JAK1: variants seen among roughly 807,000 people sequenced by gnomAD.
JAK1 encodes the protein tyrosine-protein kinase JAK1.
JAK1 carries 16 observed loss-of-function variants against 136.6 expected under a neutral mutation model. The observed-to-expected ratio is 0.12, with a 90% CI of 0.08 to 0.18. The LOEUF (loss-of-function observed/expected upper bound fraction) is 0.18, where lower values mean the gene tolerates loss of function less well. Ranked by LOEUF, JAK1 falls within the 10% of genes least tolerant of loss-of-function variation. JAK1 has a pLI of 1.00. For missense variants in JAK1, 859 were observed against 1,450.1 expected (o/e 0.59, Z 6.62); for synonymous variants, 492 against 519.5 (o/e 0.95, Z 0.72).
intron 1 of JAK1, among the ~76,000 whole-genome samples, chr1:65,053,053 A>AAAAAAAG (rs1553185113): frequency 7.5e-6 from 1 of 133,716 alleles, no homozygotes; most frequent in African/African-American, 2.8e-5. Flanking sequence ...AAAAAAAAAA[A>AAAAAAAG]AAAGACTAGA....
chr1:65,016,068 T>C (rs912159062), intron 2 of JAK1, among the ~76,000 whole-genome samples: 2 of 152,224 alleles, frequency 1.3e-5, no homozygotes, highest in Non-Finnish European at 1.5e-5. Flanking sequence ...TGAAGACATA[T>C]GCTAAGTGAA....
chr1:64,947,666 C>A (rs777100206), intron 1 of JAK1, among the ~76,000 whole-genome samples: 1 of 150,178 alleles, frequency 6.7e-6, no homozygotes, highest in Admixed American at 6.7e-5. Flanking sequence ...AGGTACCCAA[C>A]AGAAAAGCAG....
Position 64,984,934 on chromosome 1 carries a change from T to C in JAK1, c.-78+59546A>G. ...CCCTGGCTGAAGAGTTCAGCCACAA[T>C]AAACCAGGGAATGTGGTCTGGCCCA... On this transcript the variant is annotated intron_variant, in intron 2 of 25. Coordinates refer to the JAK1 transcript ENST00000671954. This position sits in a 1 kb window ranked among gnomAD's most constrained non-coding sequence, Gnocchi z 4.1. The C allele has an allele frequency of 1.8e-6, 2 of 1,114,882 alleles. No homozygotes were observed. The highest frequency in any genetic ancestry group is 1.4e-6 in the Non-Finnish European group (1 of 729,352). 69.1% of individuals were successfully genotyped at this position (1,114,882 alleles called of 1,614,324 possible).
intron 2 of JAK1, chr1:64,995,035 C>A (rs1361928783): frequency 6.7e-6 from 1 of 150,212 alleles, no homozygotes; most frequent in African/African-American, 2.4e-5. Flanking sequence ...CAACCAAATT[C>A]TCCTCGTGTT....
At chr1:65,049,614 CAT>C (rs993443883) in intron 1 of JAK1, among the ~76,000 whole-genome samples, 5 of 152,112 alleles carry the variant, frequency 3.3e-5, no homozygotes, top group Non-Finnish European at 7.4e-5. Context: ...CCTTGGGGCA[CAT>C]GTTTGTTGAG....
At chr1:64,910,385 G>A (rs192576246) in intron 1 of JAK1, among the ~76,000 whole-genome samples, 1 of 152,172 alleles carries the variant, frequency 6.6e-6, no homozygotes, top group Non-Finnish European at 1.5e-5. Context: ...TGCTCTCGTT[G>A]TCAAAAAAGG....
upstream of JAK1, among the ~76,000 whole-genome samples, chr1:64,969,802 A>G (rs1373820323): frequency 1.3e-5 from 2 of 152,158 alleles, no homozygotes; most frequent in South Asian, 2.1e-4. Context: ...ACTAAACAGG[A>G]TAAGAAATTC....
chr1:64,857,427 T>A (rs1311386262), intron 10 of JAK1, among the ~76,000 whole-genome samples: 1 of 152,168 alleles, frequency 6.6e-6, no homozygotes, highest in Non-Finnish European at 1.5e-5. Context: ...ATGGGTCCCA[T>A]GAAGGAAGAA....
intron 2 of JAK1, among the ~76,000 whole-genome samples, chr1:65,028,047 T>C (rs1333279514): frequency 6.6e-6 from 1 of 152,230 alleles, no homozygotes; most frequent in Non-Finnish European, 1.5e-5. Flanking sequence ...CAGAACTGCC[T>C]GAGCTCTTTT....
At chr1:65,064,673 A>C (rs1478614108) in intron 1 of JAK1, among the ~76,000 whole-genome samples, 1 of 152,166 alleles carries the variant, frequency 6.6e-6, no homozygotes, top group Admixed American at 6.5e-5. Context: ...GTCACCTACA[A>C]AAGTTACAAT....
intron 2 of JAK1, chr1:64,985,145 G>C: frequency 8.0e-7 from 1 of 1,244,576 alleles, no homozygotes; most frequent in Non-Finnish European, 1.2e-6. Context: ...CTATAGTGAA[G>C]ATAGTATTAA....
chr1:65,059,179 G>T (rs754010943), intron 1 of JAK1, among the ~76,000 whole-genome samples: 1 of 150,836 alleles, frequency 6.6e-6, no homozygotes, highest in Non-Finnish European at 1.5e-5. Context: ...ATTTGCCAGA[G>T]ATCATATATT....
At chr1:65,061,689 TTA>T (rs1647798143) in intron 1 of JAK1, among the ~76,000 whole-genome samples, 1 of 152,206 alleles carries the variant, frequency 6.6e-6, no homozygotes, top group East Asian at 1.9e-4. Flanking sequence ...CACTGAGATG[TTA>T]TAAACTGTCA....
intron 2 of JAK1, among the ~76,000 whole-genome samples, chr1:64,979,085 G>C (rs1353243610): frequency 6.6e-6 from 1 of 152,168 alleles, no homozygotes; most frequent in African/African-American, 2.4e-5. Flanking sequence ...AAAAGCAATA[G>C]GAAAATAAAT....
chr1:65,042,533 C>T lies in JAK1; in HGVS notation c.-78+1947G>A, dbSNP rs547506303. Among the ~76,000 whole-genome samples, 32 of 152,112 alleles carry T rather than the reference C, an allele frequency of 2.1e-4. No homozygotes were observed. In the South Asian group the frequency reaches 6.4e-3, roughly 31 times the overall value. On this transcript the variant is annotated intron_variant, in intron 2 of 25. Coordinates refer to the JAK1 transcript ENST00000671954. ...TACATCAGGTGACTTGGTGAAATAACTGGTGTTTCATATAGGGCTTTAGAG... is the reference window on the plus strand; with the variant it reads ...TACATCAGGTGACTTGGTGAAATAATTGGTGTTTCATATAGGGCTTTAGAG...
chr1:64,872,420 CAT>C (rs1657127495), intron 5 of JAK1, among the ~76,000 whole-genome samples: 1 of 152,188 alleles, frequency 6.6e-6, no homozygotes. Context: ...CTTCTCTGAT[CAT>C]ATGATTTAAA....
intron 1 of JAK1, among the ~76,000 whole-genome samples, chr1:64,956,931 T>C (rs775274281): frequency 1.6e-4 from 25 of 152,314 alleles, no homozygotes; most frequent in Non-Finnish European, 3.1e-4. Context: ...AGGAAGTCCT[T>C]ACTGTGTCTC....
chr1:65,031,606 T>A lies in JAK1; in HGVS notation c.-78+12874A>T, dbSNP rs760847441. ...ATTAATGGAATTTGTCCATGGACCC[T>A]GGATTAGATAACAGTATTGTATCAA... On this transcript the variant is annotated intron_variant, in intron 2 of 25. Transcript: ENST00000671954. 1.3e-4 allele frequency among the ~76,000 whole-genome samples: 20 copies of A among 152,334 alleles called. 3 individuals are homozygous for A. The South Asian group carries it at 3.1e-3, about 24-fold the overall frequency.
chr1:64,998,429 C>A (rs1234779890), intron 2 of JAK1, among the ~76,000 whole-genome samples: 1 of 152,176 alleles, frequency 6.6e-6, no homozygotes, highest in African/African-American at 2.4e-5. Flanking sequence ...TTACAAAAGG[C>A]TTTCACATAC....
Sources: allele counts gnomAD v4.1 joint callset (sites outside exome capture counted in the v4.1 genomes callset), GRCh38; gene constraint gnomAD v4.1.1; non-coding constraint Gnocchi (gnomAD v3.1); transcripts MANE v1.5; gene names NCBI Gene and HGNC (gene_info 2026-07-23, HGNC 2026-07-21).